The following RB1CC1 variants were observed in gnomAD, a reference collection of about 807,000 sequenced individuals.
RB1CC1 encodes the protein RB1 inducible coiled-coil 1.
RB1CC1 carries 46 observed loss-of-function variants against 177.5 expected under a neutral mutation model. The observed-to-expected ratio is 0.26, with a 90% CI of 0.20 to 0.33. The LOEUF is 0.33. Among genes scored for constraint, RB1CC1 ranks in the 10% least tolerant of loss-of-function variants. The pLI, the probability that RB1CC1 is intolerant of heterozygous loss-of-function variation, is 1.00. For missense variants in RB1CC1, 1,703 were observed against 1,816.3 expected (o/e 0.94, Z 1.13); for synonymous variants, 666 against 613.6 (o/e 1.09, Z -1.26).
chr8:52,700,904 A>C (rs1017021426), intron 1 of RB1CC1, among the ~76,000 whole-genome samples: 4 of 152,234 alleles, frequency 2.6e-5, no homozygotes, highest in Non-Finnish European at 5.9e-5. Context: ...GCAGGCATGA[A>C]ACGTGAAATC....
Position 52,642,717 on chromosome 8 carries a change from T to C in RB1CC1, c.4083A>G (p.Gln1361=). 2 of 1,577,810 alleles carry C rather than the reference T, an allele frequency of 1.3e-6. No homozygotes were observed. Among genetic ancestry groups the C allele is most frequent in the Non-Finnish European group, 1.7e-6 (2 of 1,169,256 alleles). ...AACAGTACAAACCTTTATCCCGTTCTTGTTGCTGCATTGTACTTTTCAACT... is the reference window on the plus strand; with the variant it reads ...AACAGTACAAACCTTTATCCCGTTCCTGTTGCTGCATTGTACTTTTCAACT... The part of the protein sequence containing the change: ...SDKLKSTMQQ[Q]ERDKDLIESL... Residue 1361 remains glutamine (Q), a synonymous_variant, in exon 17 of 24, where the codon CAA becomes CAG. Transcript: ENST00000025008.
intron 1 of RB1CC1, among the ~76,000 whole-genome samples, chr8:52,697,881 T>C (rs1484431319): frequency 2.0e-5 from 3 of 152,214 alleles, no homozygotes; most frequent in Admixed American, 1.3e-4. Context: ...GCAAAGGTTT[T>C]ATAAAATCAC....
chr8:52,625,308 C>A (rs1222734669), intron 22 of RB1CC1, among the ~76,000 whole-genome samples: 1 of 151,934 alleles, frequency 6.6e-6, no homozygotes, highest in Admixed American at 6.6e-5. Flanking sequence ...AGTTGGTACT[C>A]AATAAATTAA....
At chr8:52,690,702 ATT>A (rs1340068470) in intron 1 of RB1CC1, among the ~76,000 whole-genome samples, 6 of 152,146 alleles carry the variant, frequency 3.9e-5, no homozygotes, top group African/African-American at 1.4e-4. Flanking sequence ...TCCTTTGAAT[ATT>A]ATCTTTTGTT....
intron 15 of RB1CC1, among the ~76,000 whole-genome samples, chr8:52,646,778 ACTT>A (rs1461544441): frequency 6.6e-6 from 1 of 152,226 alleles, no homozygotes; most frequent in Non-Finnish European, 1.5e-5. Context: ...GATTAGTTTA[ACTT>A]CTAATTAATA....
At chr8:52,647,176 C>G (rs1036437598) in intron 15 of RB1CC1, among the ~76,000 whole-genome samples, 12 of 152,066 alleles carry the variant, frequency 7.9e-5, no homozygotes, top group African/African-American at 2.9e-4. Context: ...TCCAAATTTC[C>G]TGATAAAAAT....
At chr8:52,676,274 A>G in intron 6 of RB1CC1, 95 bp downstream of exon 6, 3 of 1,061,430 alleles carry the variant, frequency 2.8e-6, no homozygotes, top group Non-Finnish European at 1.4e-6. Flanking sequence ...CAATAAATAT[A>G]TGGCCTATAA....
intron 8 of RB1CC1, among the ~76,000 whole-genome samples, chr8:52,664,559 G>T (rs536857334): frequency 6.6e-6 from 1 of 152,072 alleles, no homozygotes; most frequent in African/African-American, 2.4e-5. Flanking sequence ...ATAAATTAGG[G>T]GGAATGAAGA....
chr8:52,636,899 C>T (rs559614282), intron 18 of RB1CC1, among the ~76,000 whole-genome samples: 4 of 152,150 alleles, frequency 2.6e-5, no homozygotes, highest in African/African-American at 4.8e-5. Flanking sequence ...AGGGTTCAAC[C>T]GACCATGAAT....
At chr8:52,661,829 T>C (rs1378732715) in intron 8 of RB1CC1, 110 bp from the exon 9 acceptor site, 6 of 758,182 alleles carry the variant, frequency 7.9e-6, no homozygotes, top group Non-Finnish European at 1.1e-5. Context: ...TTGTGCCTTC[T>C]AACAATATTT....
chr8:52,643,581 C>T (rs1190438291), intron 16 of RB1CC1, among the ~76,000 whole-genome samples: 2 of 148,470 alleles, frequency 1.3e-5, no homozygotes, highest in African/African-American at 5.0e-5. Context: ...CCCAGCCATT[C>T]GGGAGGCTAA....
intron 13 of RB1CC1, 62 bp from the exon 14 acceptor site, chr8:52,658,186 A>AGTT (rs1181630646): frequency 2.7e-6 from 4 of 1,486,278 alleles, no homozygotes; most frequent in Non-Finnish European, 3.7e-6. Flanking sequence ...GATAACTGCT[A>AGTT]CCAAATATTT....
chr8:52,642,094 A>G (rs1186479416), intron 18 of RB1CC1, among the ~76,000 whole-genome samples: 1 of 152,140 alleles, frequency 6.6e-6, no homozygotes, highest in Non-Finnish European at 1.5e-5. Context: ...GAATGGCTCA[A>G]TACTACTGCC....
chr8:52,694,073 A>G (rs1482245434), intron 1 of RB1CC1, among the ~76,000 whole-genome samples: 1 of 152,100 alleles, frequency 6.6e-6, no homozygotes, highest in Non-Finnish European at 1.5e-5. Context: ...ATAGAGGAGA[A>G]CCTACCTATC....
At chr8:52,701,993 A>C (rs912376208) in intron 1 of RB1CC1, among the ~76,000 whole-genome samples, 3 of 151,950 alleles carry the variant, frequency 2.0e-5, no homozygotes, top group Non-Finnish European at 4.4e-5. Flanking sequence ...TTTTTAGTAG[A>C]GATGAAGTTT....
chr8:52,685,546 A>G, intron 2 of RB1CC1, 26 bp from the exon 3 acceptor site: 5 of 846,906 alleles, frequency 5.9e-6, no homozygotes, highest in South Asian at 4.6e-5. Context: ...GAAGTGATCA[A>G]TTTTACAAAT....
intron 8 of RB1CC1, among the ~76,000 whole-genome samples, chr8:52,665,617 ACACTGCAGAAGAAG>A (rs1190122842): frequency 6.6e-6 from 1 of 152,220 alleles, no homozygotes; most frequent in African/African-American, 2.4e-5. Flanking sequence ...AAAAACAACT[ACACTGCAGAAGAAG>A]CAAAAGATCA....
At position 52,642,792 on chromosome 8, in the gene RB1CC1, T is replaced by A; in HGVS notation, c.4008A>T (p.Leu1336Phe). The A allele has an allele frequency of 6.4e-7, 1 of 1,562,186 alleles. No homozygotes were observed. Among genetic ancestry groups the A allele is most frequent in the Non-Finnish European group, 8.6e-7 (1 of 1,163,316 alleles). Residue 1336 changes from leucine (L) to phenylalanine (F), a missense_variant, in exon 17 of 24, where the codon TTA becomes TTT. Physicochemically the swap from Leu to Phe is conservative, Grantham distance 22 (BLOSUM62 0). Around this residue, in one of 6 missense-constraint regions of RB1CC1, gnomAD observed 1,169 missense variants for 1,184.7 expected, o/e 0.99. Transcript: ENST00000025008. ...TTTCTTTTCTCATTTTCTCTCTTGT[T>A]AAAACAGTGTTAAAATTGGTCTGGA... ...AEQQTNFNTV[L>F]TREKMRKENI...
intron 15 of RB1CC1, among the ~76,000 whole-genome samples, chr8:52,646,831 T>C (rs1328053043): frequency 1.3e-5 from 2 of 152,192 alleles, no homozygotes; most frequent in Non-Finnish European, 2.9e-5. Flanking sequence ...GTATTAATCT[T>C]ATCTACTTTC....
Sources: allele counts gnomAD v4.1 joint callset (sites outside exome capture counted in the v4.1 genomes callset), GRCh38; gene constraint gnomAD v4.1.1; regional missense constraint gnomAD v4.1.1; transcripts MANE v1.5; gene names NCBI Gene and HGNC (gene_info 2026-07-23, HGNC 2026-07-21).